The following LRMDA variants were observed in gnomAD, a reference collection of about 807,000 sequenced individuals.
LRMDA encodes the protein leucine rich melanocyte differentiation associated.
Under a neutral mutation model 29.8 loss-of-function variants are expected in LRMDA, and 18 were observed. The observed-to-expected ratio is 0.60, with a 90% CI of 0.42 to 0.90. The LOEUF is 0.90. LRMDA is among the 40% of genes least tolerant of loss of function. The pLI is 0.00. For missense variants in LRMDA, 273 were observed against 273.9 expected, an observed-to-expected ratio of 1.00 and a Z score of 0.02; for synonymous variants, 125 against 109.4, an observed-to-expected ratio of 1.14 and a Z score of -0.89.
chr10:75,978,997 C>G (rs1847121105), intron 2 of LRMDA, among the ~76,000 whole-genome samples: 2 of 152,106 alleles, frequency 1.3e-5, no homozygotes, highest in African/African-American at 4.8e-5. Flanking sequence ...GGCCAAATGA[C>G]CTTGGACTTT....
intron 5 of LRMDA, among the ~76,000 whole-genome samples, chr10:76,217,575 C>A (rs1051071789): frequency 1.3e-5 from 2 of 152,082 alleles, no homozygotes; most frequent in Non-Finnish European, 2.9e-5. Flanking sequence ...TTCTGGGGAC[C>A]AGGAGGGTAC....
At chr10:75,941,124 G>C (rs996332694) in intron 2 of LRMDA, among the ~76,000 whole-genome samples, 1 of 152,186 alleles carries the variant, frequency 6.6e-6, no homozygotes, top group Non-Finnish European at 1.5e-5. Flanking sequence ...ATATCAACAA[G>C]CTCAGCAGAT....
At chr10:76,365,467 T>C (rs1216236904) in intron 6 of LRMDA, among the ~76,000 whole-genome samples, 1 of 152,204 alleles carries the variant, frequency 6.6e-6, no homozygotes, top group Non-Finnish European at 1.5e-5. Flanking sequence ...GGTATTGCAT[T>C]GTGGTTTTGA....
chr10:76,187,486 C>A (rs944782472), intron 5 of LRMDA, among the ~76,000 whole-genome samples: 3 of 152,108 alleles, frequency 2.0e-5, no homozygotes, highest in African/African-American at 7.2e-5. Context: ...TTTAACCATG[C>A]AAATCAACCA....
chr10:76,178,134 A>G (rs1850974911), intron 5 of LRMDA, among the ~76,000 whole-genome samples: 1 of 152,234 alleles, frequency 6.6e-6, no homozygotes, highest in South Asian at 2.1e-4. Flanking sequence ...GGGGAATAGT[A>G]TTACAAAGCC....
At chr10:76,026,911 G>A (rs1379252525) in intron 2 of LRMDA, among the ~76,000 whole-genome samples, 1 of 152,192 alleles carries the variant, frequency 6.6e-6, no homozygotes, top group Non-Finnish European at 1.5e-5. Context: ...GGCTCTGAGG[G>A]CAGCTCATCC....
chr10:75,521,663 C>T (rs904433012), intron 2 of LRMDA, among the ~76,000 whole-genome samples: 1 of 152,218 alleles, frequency 6.6e-6, no homozygotes, highest in Non-Finnish European at 1.5e-5. Context: ...CTTTGCACTT[C>T]CCAGGTGAGG....
At chr10:75,997,723 G>A (rs2132465871) in intron 2 of LRMDA, among the ~76,000 whole-genome samples, 1 of 152,320 alleles carries the variant, frequency 6.6e-6, no homozygotes, top group South Asian at 2.1e-4. Flanking sequence ...CTTACCACCT[G>A]GGAGGTGAGG....
chr10:76,151,336 C>T (rs529491720), intron 5 of LRMDA, among the ~76,000 whole-genome samples: 5 of 152,264 alleles, frequency 3.3e-5, no homozygotes, highest in African/African-American at 1.2e-4. Context: ...TCCCCGACCA[C>T]GTTTTCTAAA....
chr10:76,276,209 C>T (rs185044447), intron 5 of LRMDA, among the ~76,000 whole-genome samples: 113 of 152,164 alleles, frequency 7.4e-4, no homozygotes, highest in East Asian at 3.7e-3. Flanking sequence ...GATGCAATCG[C>T]GGCTAACTGT....
chr10:75,699,308 G>A (rs1842277341), intron 2 of LRMDA, among the ~76,000 whole-genome samples: 1 of 152,022 alleles, frequency 6.6e-6, no homozygotes, highest in Admixed American at 6.6e-5. Flanking sequence ...TGAAAATAAT[G>A]CCTTCTGACG....
chr10:76,258,564 A>G (rs1434117258), intron 5 of LRMDA, among the ~76,000 whole-genome samples: 1 of 152,054 alleles, frequency 6.6e-6, no homozygotes, highest in Non-Finnish European at 1.5e-5. Context: ...TATTCCTCTT[A>G]TCTGGCTGTA....
intron 2 of LRMDA, among the ~76,000 whole-genome samples, chr10:75,569,807 T>C (rs1327617474): frequency 6.6e-6 from 1 of 152,216 alleles, no homozygotes; most frequent in Non-Finnish European, 1.5e-5. Flanking sequence ...TCAGGATTGC[T>C]TGGAGACTGG....
At chr10:75,608,458 A>G (rs563047259) in intron 2 of LRMDA, among the ~76,000 whole-genome samples, 1 of 152,244 alleles carries the variant, frequency 6.6e-6, no homozygotes, top group South Asian at 2.1e-4. Flanking sequence ...TATACTAGGA[A>G]TTTGCTAAGA....
At chr10:76,142,668 C>T (rs1850225421) in intron 5 of LRMDA, among the ~76,000 whole-genome samples, 1 of 134,476 alleles carries the variant, frequency 7.4e-6, no homozygotes, top group Non-Finnish European at 1.5e-5. Flanking sequence ...AGAAGATGGT[C>T]ATTATGTTAT....
chr10:76,095,897 A>C (rs570615614), intron 5 of LRMDA, among the ~76,000 whole-genome samples: 38 of 151,866 alleles, frequency 2.5e-4, no homozygotes, highest in African/African-American at 8.9e-4. Flanking sequence ...GTGAGCCGAG[A>C]TCGTGCCACT....
intron 2 of LRMDA, among the ~76,000 whole-genome samples, chr10:75,845,297 T>A (rs1309432137): frequency 6.6e-6 from 1 of 152,172 alleles, no homozygotes; most frequent in Non-Finnish European, 1.5e-5. Flanking sequence ...CAACAATGGT[T>A]TTCACATTAG....
intron 2 of LRMDA, among the ~76,000 whole-genome samples, chr10:76,006,755 AAAG>A (rs1847669899): frequency 6.6e-6 from 1 of 152,218 alleles, no homozygotes; most frequent in Non-Finnish European, 1.5e-5. Context: ...GCCCTTAAAA[AAAG>A]AAAAAACCTG....
intron 2 of LRMDA, among the ~76,000 whole-genome samples, chr10:75,483,271 G>A (rs913098668): frequency 5.3e-5 from 8 of 152,120 alleles, no homozygotes; most frequent in African/African-American, 1.9e-4. Flanking sequence ...ATAGATTGCT[G>A]TGTATGACAT....
Sources: gnomAD v4.1 joint callset for allele counts (sites outside exome capture counted in the v4.1 genomes callset) on GRCh38, gnomAD v4.1.1 for gene constraint, MANE v1.5 for transcripts, NCBI Gene and HGNC (gene_info 2026-07-23, HGNC 2026-07-21) for gene names.